The following MKLN1 variants were observed in gnomAD, a reference collection of about 807,000 sequenced individuals.
MKLN1 encodes muskelin 1, also known as muskelin.
A neutral mutation model predicts 99.0 loss-of-function variants in MKLN1; 18 were observed. The ratio of observed to expected loss-of-function variants is 0.18; its 90% CI spans 0.13 to 0.27. The LOEUF (loss-of-function observed/expected upper bound fraction) is 0.27, where lower values mean the gene tolerates loss of function less well. Among genes scored for constraint, MKLN1 ranks in the 10% least tolerant of loss-of-function variants. The probability of loss-of-function intolerance (pLI) is 1.00; values close to 1 mark genes in which losing one functional copy is unlikely to be tolerated. For synonymous variants in MKLN1, 288 were observed against 293.2 expected (o/e 0.98, Z 0.18); for missense variants, 621 against 875.9 (o/e 0.71, Z 3.67).
chr7:131,411,937 A>AAAAAAAAT (rs1794892884), intron 7 of MKLN1, among the ~76,000 whole-genome samples: 2 of 135,562 alleles, frequency 1.5e-5, no homozygotes, highest in African/African-American at 2.7e-5. Context: ...AAAAAAAAAA[A>AAAAAAAAT]TTAGCCAGAC....
chr7:131,234,117 T>A (rs1797281923), intron 3 of MKLN1, among the ~76,000 whole-genome samples: 1 of 151,956 alleles, frequency 6.6e-6, no homozygotes, highest in African/African-American at 2.4e-5. Flanking sequence ...GTAGCTGGGA[T>A]TACAGGCACC....
upstream of MKLN1, chr7:131,324,364 A>G (rs554271621): frequency 1.9e-4 from 29 of 152,298 alleles, no homozygotes; most frequent in African/African-American, 7.0e-4. Flanking sequence ...TCAGAGAGAA[A>G]CACCACCAGC....
intron 17 of MKLN1, among the ~76,000 whole-genome samples, chr7:131,485,514 A>G (rs186081190): frequency 6.6e-6 from 1 of 152,192 alleles, no homozygotes; most frequent in Admixed American, 6.5e-5. Flanking sequence ...CTCCCTATCA[A>G]TAGTTTATTA....
intron 1 of MKLN1, among the ~76,000 whole-genome samples, chr7:131,337,593 A>G (rs1195311231): frequency 6.6e-6 from 1 of 151,874 alleles, no homozygotes; most frequent in Non-Finnish European, 1.5e-5. Flanking sequence ...ATCTCTTGTC[A>G]TGTATTTTTT....
At chr7:131,139,121 C>T (rs1345163942) in intron 1 of MKLN1, among the ~76,000 whole-genome samples, 1 of 152,042 alleles carries the variant, frequency 6.6e-6, no homozygotes, top group Non-Finnish European at 1.5e-5. Context: ...TCCTGGAATA[C>T]AGGGATAGGA....
intron 3 of MKLN1, among the ~76,000 whole-genome samples, chr7:131,314,423 T>TTTTG (rs377710682): frequency 9.1e-4 from 138 of 152,120 alleles, no homozygotes; most frequent in African/African-American, 3.0e-3. Context: ...TGAATCTCAT[T>TTTTG]TTTGTTTGTT....
intron 3 of MKLN1, among the ~76,000 whole-genome samples, chr7:131,312,366 T>G (rs998949867): frequency 2.6e-5 from 4 of 152,238 alleles, no homozygotes; most frequent in African/African-American, 9.6e-5. Flanking sequence ...TTAAAAATTT[T>G]TCTATTAAAG....
chr7:131,273,309 T>C (rs1411572744), intron 3 of MKLN1, among the ~76,000 whole-genome samples: 1 of 151,146 alleles, frequency 6.6e-6, no homozygotes, highest in Non-Finnish European at 1.5e-5. Flanking sequence ...CTGTCCTTTC[T>C]GTAATTCCTC....
At chr7:131,268,619 T>A (rs139690633) in intron 3 of MKLN1, among the ~76,000 whole-genome samples, 4 of 152,282 alleles carry the variant, frequency 2.6e-5, no homozygotes, top group African/African-American at 9.6e-5. Context: ...TGCAGATAAC[T>A]GCACAGGAGG....
chr7:131,330,605 G>C (rs760432403), intron 1 of MKLN1, among the ~76,000 whole-genome samples: 26 of 152,120 alleles, frequency 1.7e-4, no homozygotes, highest in Non-Finnish European at 3.5e-4. Context: ...TTTAACTATA[G>C]TGTTTTACTG....
At chr7:131,278,476 G>A (rs1369511475) in intron 3 of MKLN1, among the ~76,000 whole-genome samples, 1 of 152,118 alleles carries the variant, frequency 6.6e-6, no homozygotes, top group Non-Finnish European at 1.5e-5. Context: ...TTGAAGATGG[G>A]ACCCAGGCAT....
chr7:131,323,030 G>C (rs1309706818), upstream of MKLN1, among the ~76,000 whole-genome samples: 1 of 152,190 alleles, frequency 6.6e-6, no homozygotes, highest in Admixed American at 6.5e-5. Flanking sequence ...TGGGAACACA[G>C]AGCCAGACCA....
At chr7:131,444,215 T>C (rs571566204) in intron 11 of MKLN1, among the ~76,000 whole-genome samples, 16 of 151,744 alleles carry the variant, frequency 1.1e-4, no homozygotes, top group Non-Finnish European at 1.5e-4. Context: ...CCTGGCGTGG[T>C]GACCTGTGCC....
intron 1 of MKLN1, among the ~76,000 whole-genome samples, chr7:131,355,279 T>A (rs1461824479): frequency 6.6e-6 from 1 of 152,152 alleles, no homozygotes. Flanking sequence ...AATTTATTAT[T>A]TGTGTGAACT....
At position 131,445,867 on chromosome 7, in the gene MKLN1, A is replaced by C. The variant is rs1357593393; in HGVS notation, c.1489A>C (p.Ile497Leu). ...SYDVDSDHVD[I>L]ISDGTKKDSG... ...TGATGTGGACTCTGATCATGTAGAC[A>C]TAATATCAGATGGCACCAAGAAAGA... Residue 497 changes from isoleucine to leucine, a missense_variant, in exon 12 of 18, where the codon ATA becomes CTA. Transcript: ENST00000352689. The C allele has an allele frequency of 6.2e-7, 1 of 1,605,330 alleles. No individual in the cohort carries two copies. The highest frequency in any genetic ancestry group is 8.5e-7 in the Non-Finnish European group (1 of 1,174,586).
intron 1 of MKLN1, among the ~76,000 whole-genome samples, chr7:131,123,337 C>G (rs1235157020): frequency 6.6e-6 from 1 of 152,194 alleles, no homozygotes; most frequent in African/African-American, 2.4e-5. Flanking sequence ...CTCAATTCTG[C>G]CATTGTAGTG....
At chr7:131,152,012 T>G (rs931534022) in intron 2 of MKLN1, among the ~76,000 whole-genome samples, 21 of 152,140 alleles carry the variant, frequency 1.4e-4, no homozygotes, top group Non-Finnish European at 5.9e-5. Flanking sequence ...TTCCAGATAT[T>G]ATATTATTTC....
At chr7:131,318,615 T>C (rs1798713743) in intron 3 of MKLN1, among the ~76,000 whole-genome samples, 1 of 151,992 alleles carries the variant, frequency 6.6e-6, no homozygotes, top group Non-Finnish European at 1.5e-5. Flanking sequence ...AAAGCAGAAC[T>C]GAAGGAGATA....
At position 131,192,190 on chromosome 7, in the gene MKLN1, A is replaced by T. The variant is rs1563247444; in HGVS notation, c.-296-10667A>T. Among the ~76,000 whole-genome samples, 23 of 102,494 alleles carry T rather than the reference A, an allele frequency of 2.2e-4. 6 individuals carry two copies. Among genetic ancestry groups the T allele is most frequent in the African/African-American group, 8.8e-4 (21 of 23,768 alleles). 67.2% of individuals were successfully genotyped at this position (102,494 alleles called of 152,430 possible). ...ATGTATAATATATAAAAATATATAAAATATAATATATACAATATATAAATA... is the reference window on the plus strand; with the variant it reads ...ATGTATAATATATAAAAATATATAATATATAATATATACAATATATAAATA... On this transcript the variant is annotated intron_variant, in intron 2 of 7. Transcript: ENST00000416992.
Sources: gnomAD v4.1 joint callset for allele counts (sites outside exome capture counted in the v4.1 genomes callset) on GRCh38, gnomAD v4.1.1 for gene constraint, MANE v1.5 for transcripts, NCBI Gene and HGNC (gene_info 2026-07-23, HGNC 2026-07-21) for gene names.